The following QTMAN variants were observed in gnomAD, a reference collection of about 807,000 sequenced individuals.
QTMAN encodes the protein queuosine-tRNA mannosyltransferase, also known as tRNA-queuosine alpha-mannosyltransferase.
At chr2:144,206,655 G>A in the QTMAN span, among the ~76,000 whole-genome samples, 1 of 152,110 alleles carries the variant, frequency 6.6e-6, no homozygotes, top group African/African-American at 2.4e-5. Flanking sequence ...CGCAGAGTAA[G>A]GCTTTATATC....
the QTMAN span, among the ~76,000 whole-genome samples, chr2:144,114,194 A>G: frequency 2.6e-5 from 4 of 152,348 alleles, no homozygotes; most frequent in African/African-American, 9.6e-5. Context: ...TGTTTAAAAT[A>G]CTGATTGATA....
the QTMAN span, among the ~76,000 whole-genome samples, chr2:144,233,539 C>T: frequency 6.6e-6 from 1 of 152,182 alleles, no homozygotes; most frequent in East Asian, 1.9e-4. Flanking sequence ...CTCTGCCTTA[C>T]AAAAACCACT....
chr2:144,196,213 CCACA>C, the QTMAN span, among the ~76,000 whole-genome samples: 13,972 of 142,346 alleles, frequency 0.098, 815 homozygotes, highest in South Asian at 0.17. Context: ...GCACACATAG[CCACA>C]CACACACACA....
the QTMAN span, among the ~76,000 whole-genome samples, chr2:144,273,910 C>A: frequency 2.6e-5 from 4 of 151,982 alleles, no homozygotes; most frequent in South Asian, 2.1e-4. Flanking sequence ...CCAAGGTGGG[C>A]GGATCACAAG....
chr2:144,321,262 G>A, the QTMAN span, among the ~76,000 whole-genome samples: 1 of 152,126 alleles, frequency 6.6e-6, no homozygotes, highest in Non-Finnish European at 1.5e-5. Flanking sequence ...GCTTCAAAAC[G>A]CCTCTCTTGC....
the QTMAN span, among the ~76,000 whole-genome samples, chr2:144,095,061 G>T: frequency 6.6e-6 from 1 of 152,056 alleles, no homozygotes; most frequent in Non-Finnish European, 1.5e-5. Context: ...ACTCCCAAAA[G>T]TTAAACTCCT....
the QTMAN span, among the ~76,000 whole-genome samples, chr2:144,122,373 A>G: frequency 1.3e-5 from 2 of 152,218 alleles, no homozygotes; most frequent in African/African-American, 4.8e-5. Flanking sequence ...TATTGAAGTT[A>G]CACTAGCTAA....
the QTMAN span, among the ~76,000 whole-genome samples, chr2:144,249,440 A>G: frequency 6.6e-6 from 1 of 152,194 alleles, no homozygotes; most frequent in Non-Finnish European, 1.5e-5. Context: ...TATGAAGTAA[A>G]GAGCTATTTA....
chr2:144,316,814 A>G, the QTMAN span, among the ~76,000 whole-genome samples: 1 of 152,182 alleles, frequency 6.6e-6, no homozygotes, highest in Admixed American at 6.5e-5. Context: ...CTATTCACTA[A>G]TAACTTATCA....
At chr2:144,188,545 G>A in the QTMAN span, among the ~76,000 whole-genome samples, 2 of 150,330 alleles carry the variant, frequency 1.3e-5, no homozygotes, top group South Asian at 4.2e-4. Context: ...ATGGATGGAT[G>A]GATGGACTGA....
chr2:144,304,728 T>C, the QTMAN span, among the ~76,000 whole-genome samples: 1 of 152,308 alleles, frequency 6.6e-6, no homozygotes, highest in Admixed American at 6.5e-5. Context: ...TACAGAAGAA[T>C]TTATTTCTAA....
the QTMAN span, among the ~76,000 whole-genome samples, chr2:143,956,415 TTAGATATATCTGTA>T: frequency 1.3e-5 from 2 of 152,142 alleles, no homozygotes; most frequent in Non-Finnish European, 2.9e-5. Context: ...ACAGAAACAC[TTAGATATATCTGTA>T]TATGTATATT....
chr2:144,147,704 CAT>C, the QTMAN span, among the ~76,000 whole-genome samples: 1 of 151,690 alleles, frequency 6.6e-6, no homozygotes, highest in Admixed American at 6.6e-5. Flanking sequence ...AAGTAGCCTT[CAT>C]ATGAGTTATT....
the QTMAN span, among the ~76,000 whole-genome samples, chr2:144,247,725 G>C: frequency 6.6e-6 from 1 of 152,068 alleles, no homozygotes; most frequent in African/African-American, 2.4e-5. Flanking sequence ...CCAGGCTGGA[G>C]AGCAGTGGCA....
chr2:144,166,499 C>T, the QTMAN span, among the ~76,000 whole-genome samples: 19 of 152,184 alleles, frequency 1.2e-4, no homozygotes, highest in Non-Finnish European at 2.4e-4. Context: ...AACCCCAATA[C>T]CTGGCTCTTA....
At chr2:144,297,321 G>T in the QTMAN span, among the ~76,000 whole-genome samples, 10 of 152,070 alleles carry the variant, frequency 6.6e-5, no homozygotes, top group African/African-American at 2.4e-4. Flanking sequence ...TGACCACGGA[G>T]AAACAATGGA....
At chr2:144,163,563 A>G in the QTMAN span, among the ~76,000 whole-genome samples, 1 of 152,224 alleles carries the variant, frequency 6.6e-6, no homozygotes, top group African/African-American at 2.4e-5. Flanking sequence ...TTGTAAATAC[A>G]TAAGGAATAT....
the QTMAN span, among the ~76,000 whole-genome samples, chr2:144,053,543 C>T: frequency 2.0e-5 from 3 of 152,164 alleles, no homozygotes; most frequent in African/African-American, 7.2e-5. Context: ...GTACCTTCTA[C>T]CTGAATGAAG....
chr2:144,136,346 C>T, the QTMAN span, among the ~76,000 whole-genome samples: 493 of 109,778 alleles, frequency 4.5e-3, 2 homozygotes, highest in Non-Finnish European at 6.3e-3. Context: ...GGGAGGGGAG[C>T]GGAGGGGAGG....
Sources: allele counts gnomAD v4.1 joint callset (sites outside exome capture counted in the v4.1 genomes callset), GRCh38; gene constraint gnomAD v4.1.1; transcripts MANE v1.5; gene names NCBI Gene and HGNC (gene_info 2026-07-23, HGNC 2026-07-21).